Variants in PHLDB2 observed in about 807,000 individuals in gnomAD.
PHLDB2 encodes the protein pleckstrin homology-like domain family B member 2.
Under a neutral mutation model 123.6 loss-of-function variants are expected in PHLDB2, and 71 were observed. The ratio of observed to expected loss-of-function variants is 0.57; its 90% CI spans 0.47 to 0.70. The LOEUF (loss-of-function observed/expected upper bound fraction) is 0.70. Ranked by LOEUF, PHLDB2 falls within the 30% of genes least tolerant of loss-of-function variation. The pLI, the probability that PHLDB2 is intolerant of heterozygous loss-of-function variation, is 0.00. For synonymous variants in PHLDB2, 547 were observed against 541.6 expected, an observed-to-expected ratio of 1.01 and a Z score of -0.14; for missense variants, 1,446 against 1,519.5, an observed-to-expected ratio of 0.95 and a Z score of 0.80.
At chr3:111,866,997 G>T (rs1328891313) in intron 1 of PHLDB2, among the ~76,000 whole-genome samples, 2 of 142,576 alleles carry the variant, frequency 1.4e-5, no homozygotes, top group Non-Finnish European at 3.1e-5. Flanking sequence ...ATTGAGGCTG[G>T]AATTCTTGAT....
intron 1 of PHLDB2, among the ~76,000 whole-genome samples, chr3:111,799,031 G>A (rs1005945676): frequency 2.0e-5 from 3 of 152,174 alleles, no homozygotes; most frequent in African/African-American, 7.2e-5. Context: ...TCTTCACATG[G>A]TGGCAGCAAG....
chr3:111,755,769 G>T (rs1360118305), intron 1 of PHLDB2, among the ~76,000 whole-genome samples: 23 of 140,516 alleles, frequency 1.6e-4, no homozygotes, highest in African/African-American at 2.5e-4. Flanking sequence ...GATCTTTCCT[G>T]CTTTCTCTTG....
chr3:111,745,615 T>G (rs2059668056), intron 1 of PHLDB2, among the ~76,000 whole-genome samples: 1 of 151,894 alleles, frequency 6.6e-6, no homozygotes, highest in African/African-American at 2.4e-5. Context: ...TTTTAAAAAA[T>G]TAGCTGGGCA....
chr3:111,779,244 TA>T (rs1268702249), intron 1 of PHLDB2, among the ~76,000 whole-genome samples: 1 of 137,128 alleles, frequency 7.3e-6, no homozygotes, highest in Admixed American at 7.0e-5. Context: ...AAAATCTATA[TA>T]TTTTTTTCTT....
chr3:111,873,685 AC>A (rs1378680916), intron 1 of PHLDB2, among the ~76,000 whole-genome samples: 1 of 152,118 alleles, frequency 6.6e-6, no homozygotes, highest in African/African-American at 2.4e-5. Context: ...TTATGGGAAT[AC>A]CCTCAACTTA....
rs963382755 is a variant in PHLDB2 at position 111,819,928 on chromosome 3, G to A, written c.-48-25893G>A. On this transcript the variant is annotated intron_variant, in intron 1 of 17. Coordinates refer to the PHLDB2 transcript ENST00000393923. The stretch of plus-strand genomic sequence containing the variant: ...GTTGACAAGTCCTCATTTAGTAACC[G>A]CATCTGGCATGGTATGAAATGTCTT... Among the ~76,000 whole-genome samples the A allele has an allele frequency of 3.3e-5, 5 of 152,174 alleles. No individual in the cohort carries two copies. The South Asian group carries it at 6.2e-4, about 19-fold the overall frequency.
At chr3:111,865,070 G>A (rs1023311499) in intron 1 of PHLDB2, among the ~76,000 whole-genome samples, 41 of 152,314 alleles carry the variant, frequency 2.7e-4, no homozygotes, top group African/African-American at 7.0e-4. Flanking sequence ...AAGAAACCCA[G>A]CTCCTACATT....
At chr3:111,892,080 A>C (rs2066533322) in intron 2 of PHLDB2, among the ~76,000 whole-genome samples, 1 of 152,146 alleles carries the variant, frequency 6.6e-6, no homozygotes, top group Admixed American at 6.5e-5. Flanking sequence ...GGCCACATTG[A>C]TACTTATTTC....
In PHLDB2 at chr3:111,884,848, C is replaced by G; in HGVS notation, c.771C>G (p.Pro257=). The stretch of plus-strand genomic sequence containing the variant: ...TGGGAGCCTACAGCCGATCACTTCC[C>G]AGGTTGTACAGAGCCACAGAGAACC... ...SHMGAYSRSL[P]RLYRATENQL... Residue 257 remains proline (P), a synonymous_variant, in exon 2 of 18, where the codon CCC becomes CCG. Transcript: ENST00000431670. 1 of 1,614,156 alleles carries G rather than the reference C, an allele frequency of 6.2e-7. No individual in the cohort carries two copies. Among genetic ancestry groups the G allele is most frequent in the Non-Finnish European group, 8.5e-7 (1 of 1,180,028 alleles).
intron 2 of PHLDB2, among the ~76,000 whole-genome samples, chr3:111,902,693 C>T (rs1366886491): frequency 1.3e-5 from 2 of 152,010 alleles, no homozygotes; most frequent in East Asian, 3.9e-4. Flanking sequence ...GGCTGGAGTG[C>T]AGTGGTGTGG....
Position 111,815,839 on chromosome 3 carries a change from G to A in PHLDB2, c.-48-29982G>A, listed in dbSNP as rs376214718. On this transcript the variant is annotated intron_variant, in intron 1 of 17. Transcript: ENST00000393923. ...GGGGACAATGTCTCCAGGGCATGTC[G>A]AGGTCTTTACAACAGCTTCCTGGAG... 3.3e-5 allele frequency among the ~76,000 whole-genome samples: 5 copies of A among 152,252 alleles called. No individual in the cohort carries two copies. The South Asian group carries it at 8.3e-4, about 25-fold the overall frequency.
At chr3:111,819,947 A>C (rs1439526300) in intron 1 of PHLDB2, among the ~76,000 whole-genome samples, 2 of 152,228 alleles carry the variant, frequency 1.3e-5, no homozygotes, top group African/African-American at 4.8e-5. Flanking sequence ...ATGGTATGAA[A>C]TGTCTTGCAG....
chr3:111,759,272 T>G (rs2059953890), intron 1 of PHLDB2, among the ~76,000 whole-genome samples: 1 of 152,170 alleles, frequency 6.6e-6, no homozygotes, highest in Non-Finnish European at 1.5e-5. Context: ...TGGTATCAAG[T>G]GGGGATCCAC....
chr3:111,940,303 G>T (rs1438771210), intron 7 of PHLDB2, among the ~76,000 whole-genome samples: 3 of 152,174 alleles, frequency 2.0e-5, no homozygotes, highest in Non-Finnish European at 4.4e-5. Flanking sequence ...GGTTCTTCAA[G>T]ATAGGTTTTT....
Position 111,884,673 on chromosome 3 carries a change from C to A in PHLDB2, c.596C>A (p.Ala199Glu). 6.2e-7 allele frequency: 1 copy of A among 1,614,150 alleles called. No homozygotes were observed. Among genetic ancestry groups the A allele is most frequent in the South Asian group, 1.1e-5 (1 of 91,076 alleles). ...GPPPISRSGA[A>E]SMPSSPKQAR... ...CCTCCTATCAGCAGATCGGGAGCCG[C>A]AAGCATGCCTTCAAGCCCAAAGCAA... Residue 199 changes from alanine (A) to glutamate (E), a missense_variant, in exon 2 of 18, where the codon GCA becomes GAA. Ala to Glu is a moderately radical substitution (Grantham distance 107). Transcript: ENST00000431670.
At chr3:111,781,646 A>G (rs763815104) in intron 1 of PHLDB2, among the ~76,000 whole-genome samples, 9 of 152,150 alleles carry the variant, frequency 5.9e-5, no homozygotes, top group Non-Finnish European at 1.3e-4. Context: ...ACAGGCTCAC[A>G]TAGATAACAG....
chr3:111,782,685 A>C (rs537478669), intron 1 of PHLDB2, among the ~76,000 whole-genome samples: 1 of 152,150 alleles, frequency 6.6e-6, no homozygotes, highest in African/African-American at 2.4e-5. Context: ...TACTGACCCC[A>C]CTGGGTACTT....
At chr3:111,948,247 G>A (rs188124456) in intron 9 of PHLDB2, among the ~76,000 whole-genome samples, 76 of 132,662 alleles carry the variant, frequency 5.7e-4, no homozygotes, top group African/African-American at 2.1e-3. Flanking sequence ...TTAGGACTCC[G>A]TGTGTGTGTG....
chr3:111,913,480 C>A lies in PHLDB2; in HGVS notation c.1497C>A (p.Leu499=), dbSNP rs139020309. The stretch of plus-strand genomic sequence containing the variant: ...AGGAGTCTGTGTTTGAGGAAGCCCT[C>A]ATGAGCCCTGACACAAGATACAGGT... ...SDEESVFEEA[L]MSPDTRYRCH... is the part of the protein sequence containing the mutation. Residue 499 remains leucine (L), a synonymous_variant, in exon 3 of 18, where the codon CTC becomes CTA. Coordinates refer to ENST00000431670, the MANE Select transcript of PHLDB2 (RefSeq NM_001134438.2). 2 of 1,614,008 alleles carry A rather than the reference C, an allele frequency of 1.2e-6. No homozygotes were observed. Among genetic ancestry groups the A allele is most frequent in the African/African-American group, 2.7e-5 (2 of 74,916 alleles).
Sources: gnomAD v4.1 joint callset for allele counts (sites outside exome capture counted in the v4.1 genomes callset) on GRCh38, gnomAD v4.1.1 for gene constraint, MANE v1.5 for transcripts, NCBI Gene and HGNC (gene_info 2026-07-23, HGNC 2026-07-21) for gene names.